Variants in ZNF8 observed in about 807,000 individuals in gnomAD.
The protein encoded by ZNF8 is zinc finger protein 8.
In ZNF8, 9 loss-of-function variants were observed where a neutral mutation model predicts 12.2. The observed-to-expected ratio is 0.73, with a 90% CI of 0.44 to 1.28. ZNF8 has a LOEUF of 1.28. Among genes scored for constraint, ZNF8 ranks in the 50% most tolerant of loss-of-function variants. ZNF8 has a pLI of 0.00. For missense variants in ZNF8, 664 were observed against 729.1 expected, an observed-to-expected ratio of 0.91 and a Z score of 1.03; for synonymous variants, 274 against 282.3, an observed-to-expected ratio of 0.97 and a Z score of 0.30.
intron 3 of ZNF8, among the ~76,000 whole-genome samples, chr19:58,288,053 T>A (rs1163802682): frequency 3.4e-5 from 5 of 148,436 alleles, no homozygotes; most frequent in Non-Finnish European, 7.4e-5. Flanking sequence ...AGAGATGAGA[T>A]CTTTCTACAC....
At chr19:58,283,936 A>C (rs2051366713) in intron 1 of ZNF8, among the ~76,000 whole-genome samples, 1 of 152,144 alleles carries the variant, frequency 6.6e-6, no homozygotes, top group Non-Finnish European at 1.5e-5. Flanking sequence ...ATTGAAAGAG[A>C]GAGAGAGAAA....
Position 58,294,819 on chromosome 19 carries a change from G to T in ZNF8, c.1011G>T (p.Gly337=). The T allele has an allele frequency of 6.2e-7, 1 of 1,614,172 alleles. No homozygotes were observed. The highest frequency in any genetic ancestry group is 8.5e-7 in the Non-Finnish European group (1 of 1,180,016). ...HLTVHRRIHT[G]EKPYECQDCG... The stretch of plus-strand genomic sequence containing the variant: ...CCGTCCATCGGAGGATTCACACTGG[G>T]GAGAAGCCCTATGAGTGTCAGGACT... Residue 337 remains glycine (G), a synonymous_variant, in exon 4 of 4, where the codon GGG becomes GGT. Transcript: ENST00000621650. This position sits in a 1 kb window ranked among gnomAD's most constrained non-coding sequence, Gnocchi z 5.5.
rs1415041442 is a variant in ZNF8 at position 58,289,909 on chromosome 19, T to C, written c.289+3704T>C. Among the ~76,000 whole-genome samples, 4 of 151,930 alleles carry C rather than the reference T, an allele frequency of 2.6e-5. No individual in the cohort carries two copies. The East Asian group carries it at 7.8e-4, about 30-fold the overall frequency. On this transcript the variant is annotated intron_variant, in intron 3 of 3. Coordinates refer to ENST00000621650, the MANE Select transcript of ZNF8 (RefSeq NM_021089.3). The stretch of plus-strand genomic sequence containing the variant: ...CCTTCCCAGGTTCAAGCGATCCTCC[T>C]GCCTCCACCTCCCAAGTAGCTGAGA...
intron 1 of ZNF8, among the ~76,000 whole-genome samples, chr19:58,284,364 T>G (rs931643527): frequency 1.3e-5 from 2 of 152,238 alleles, no homozygotes; most frequent in African/African-American, 2.4e-5. Context: ...AACCACTTAA[T>G]CATTATACAG....
At chr19:58,293,959 A>G (rs2051436236) in intron 3 of ZNF8, 139 bp from the exon 4 acceptor site, 2 of 744,704 alleles carry the variant, frequency 2.7e-6, no homozygotes, top group South Asian at 4.1e-5. Context: ...ACTTGATGTT[A>G]AAATAAGAGG....
rs398059880 is a variant in ZNF8, at chr19:58,298,028, C to CTTTTTTTTTT, written c.*2497_*2506dup. ...AATTTCACTTAATTTCTTTTCTTTT[C>CTTTTTTTTTT]TTTTTTTTTTTTTTCTTTTGAGACG... On this transcript the variant is annotated 3_prime_UTR_variant, in exon 4 of 4. Coordinates refer to ENST00000621650, the MANE Select transcript of ZNF8 (RefSeq NM_021089.3). 1 of 144,166 alleles carries CTTTTTTTTTT rather than the reference C, an allele frequency of 6.9e-6. No individual in the cohort carries two copies. The highest frequency in any genetic ancestry group is 1.5e-5 in the Non-Finnish European group (1 of 65,370). The allele number at this position is 144,166 out of a possible 1,614,324, so 8.9% of individuals were successfully genotyped here.
chr19:58,279,228 C>T lies in ZNF8; in HGVS notation c.66+81C>T, dbSNP rs770071407. 16 of 1,536,212 alleles carry T rather than the reference C, an allele frequency of 1.0e-5. No homozygotes were observed. In the South Asian group the frequency reaches 1.8e-4, roughly 17 times the overall value. The stretch of plus-strand genomic sequence containing the variant: ...AGACTGACCCTTTCACCTCGCGGCG[C>T]GATGAGAGCGGCACCGCTGTTAATG... On this transcript the variant is annotated intron_variant, in intron 1 of 3. Transcript: ENST00000621650.
At chr19:58,288,287 G>C (rs187684614) in intron 3 of ZNF8, among the ~76,000 whole-genome samples, 3 of 152,098 alleles carry the variant, frequency 2.0e-5, no homozygotes, top group Non-Finnish European at 2.9e-5. Flanking sequence ...CATTTTTCTT[G>C]TAAAACAGGA....
chr19:58,295,859 T>TTTA lies in ZNF8; in HGVS notation c.*323_*324insTTA. ...AAGGATCATTAAAATGAAAGTAATT[T>TTTA]ATGGTAGAGTAAATTGTAGAGTAAC... On this transcript the variant is annotated 3_prime_UTR_variant, in exon 4 of 4. Coordinates refer to ENST00000621650, the MANE Select transcript of ZNF8 (RefSeq NM_021089.3). 3 of 275,636 alleles carry TTTA rather than the reference T, an allele frequency of 1.1e-5. No individual in the cohort carries two copies. Among genetic ancestry groups the TTTA allele is most frequent in the Admixed American group, 4.9e-5 (1 of 20,438 alleles). The allele number at this position is 275,636 out of a possible 1,614,324, so 17.1% of individuals were successfully genotyped here.
chr19:58,281,664 C>A (rs1028262646), intron 1 of ZNF8, among the ~76,000 whole-genome samples: 3 of 152,100 alleles, frequency 2.0e-5, no homozygotes, highest in African/African-American at 7.2e-5. Context: ...TGGAGGAAAG[C>A]GAAGACACAG....
At chr19:58,287,457 TGAGTAGCTGG>T in intron 3 of ZNF8, among the ~76,000 whole-genome samples, 1 of 151,452 alleles carries the variant, frequency 6.6e-6, no homozygotes, top group East Asian at 1.9e-4. Flanking sequence ...TTCAGCCTCT[TGAGTAGCTGG>T]GACTACAGGT....
In ZNF8 at chr19:58,299,364, G is replaced by A. The variant is rs182202655; in HGVS notation, c.*3828G>A. 0.023 allele frequency: 3,497 copies of A among 150,374 alleles called. 61 individuals are homozygous for A. Among genetic ancestry groups the A allele is most frequent in the Non-Finnish European group, 0.035 (2,356 of 67,516 alleles). The allele number at this position is 150,374 out of a possible 1,614,324, so 9.3% of individuals were successfully genotyped here. On this transcript the variant is annotated 3_prime_UTR_variant, in exon 4 of 4. Transcript: ENST00000621650. ...CCTGACCTCGTGATCCACCTGCCTC[G>A]GCCTCCCAAAGTGCTGGGGTTACAG...
chr19:58,288,925 C>T (rs2051400980), intron 3 of ZNF8, among the ~76,000 whole-genome samples: 1 of 152,018 alleles, frequency 6.6e-6, no homozygotes, highest in Non-Finnish European at 1.5e-5. Flanking sequence ...GGACATATGC[C>T]TGTCACTCAC....
At chr19:58,279,171 G>A in intron 1 of ZNF8, 24 bp downstream of exon 1, 2 of 1,549,854 alleles carry the variant, frequency 1.3e-6, no homozygotes, top group Non-Finnish European at 1.7e-6. Flanking sequence ...CAATAACGAC[G>A]GCGGCGGGCT....
intron 3 of ZNF8, among the ~76,000 whole-genome samples, chr19:58,290,105 A>AT (rs2051408553): frequency 4.4e-5 from 3 of 67,478 alleles, no homozygotes; most frequent in South Asian, 4.7e-4. Flanking sequence ...CCATTTCAAG[A>AT]TTCTTTTTTT....
At chr19:58,281,415 C>A (rs1292410172) in intron 1 of ZNF8, among the ~76,000 whole-genome samples, 3 of 152,116 alleles carry the variant, frequency 2.0e-5, no homozygotes, top group Admixed American at 1.3e-4. Flanking sequence ...TGATGTAGGG[C>A]AGAAAGAACA....
rs557283596 is a variant in ZNF8, at chr19:58,299,202, T to G, written c.*3666T>G. 2.0e-5 allele frequency: 3 copies of G among 151,190 alleles called. No homozygotes were observed. Among genetic ancestry groups the G allele is most frequent in the Non-Finnish European group, 4.4e-5 (3 of 67,886 alleles). 9.4% of individuals were successfully genotyped at this position (151,190 alleles called of 1,614,324 possible). ...ATCTCGGCTCACTGCAAGCTCCGCCTCCCAGGTTCATGCCATTCTCCTGCC... is the reference window on the plus strand; with the variant it reads ...ATCTCGGCTCACTGCAAGCTCCGCCGCCCAGGTTCATGCCATTCTCCTGCC... On this transcript the variant is annotated 3_prime_UTR_variant, in exon 4 of 4. Coordinates refer to ENST00000621650, the MANE Select transcript of ZNF8 (RefSeq NM_021089.3).
chr19:58,281,823 G>A (rs2051352029), intron 1 of ZNF8, among the ~76,000 whole-genome samples: 1 of 152,156 alleles, frequency 6.6e-6, no homozygotes, highest in Non-Finnish European at 1.5e-5. Context: ...TAAAATTGAA[G>A]TATTTGGGGC....
chr19:58,279,322 G>T, intron 1 of ZNF8, 175 bp downstream of exon 1: 1 of 1,488,400 alleles, frequency 6.7e-7, no homozygotes, highest in Non-Finnish European at 8.9e-7. Context: ...TCAGAGAGGG[G>T]GCCGGGATTC....
Sources: allele counts gnomAD v4.1 joint callset (sites outside exome capture counted in the v4.1 genomes callset), GRCh38; gene constraint gnomAD v4.1.1; non-coding constraint Gnocchi (gnomAD v3.1); transcripts MANE v1.5; gene names NCBI Gene and HGNC (gene_info 2026-07-23, HGNC 2026-07-21).